Variants in SPTBN2 observed in about 807,000 individuals in gnomAD.
SPTBN2 encodes the protein spectrin beta chain, non-erythrocytic 2.
A neutral mutation model predicts 284.2 loss-of-function variants in SPTBN2; 107 were observed. The ratio of observed to expected loss-of-function variants is 0.38; its 90% confidence interval spans 0.32 to 0.44. SPTBN2 has a LOEUF of 0.44. Ranked by LOEUF, SPTBN2 falls within the 20% of genes least tolerant of loss-of-function variation. SPTBN2 has a pLI of 1.00. For synonymous variants in SPTBN2, 1,289 were observed against 1,354.8 expected, an observed-to-expected ratio of 0.95 and a Z score of 1.07; for missense variants, 2,569 against 3,287.1, an observed-to-expected ratio of 0.78 and a Z score of 5.34.
chr11:66,727,842 G>T (rs988694396), intron 1 of SPTBN2: 2 of 150,458 alleles, frequency 1.3e-5, no homozygotes, highest in African/African-American at 4.9e-5. Context: ...CCGGCGACGC[G>T]AGGGGCCGGC....
Position 66,715,821 on chromosome 11 carries a change from A to G in SPTBN2, c.309+9T>C. The G allele has an allele frequency of 1.2e-6, 2 of 1,613,132 alleles. No individual in the cohort carries two copies. The highest frequency in any genetic ancestry group is 1.7e-6 in the Non-Finnish European group (2 of 1,179,862). On this transcript the variant is annotated intron_variant, in intron 4 of 37. Coordinates refer to ENST00000533211, the MANE Select transcript of SPTBN2 (RefSeq NM_006946.4). This position sits in a 1 kb window ranked among gnomAD's most constrained non-coding sequence, Gnocchi z 5.3. ...GGCCCCCCCACTTCCCTTCATGACCACAGCTCACCAGTATCTCTCCCGAGA... is the reference window on the plus strand; with the variant it reads ...GGCCCCCCCACTTCCCTTCATGACCGCAGCTCACCAGTATCTCTCCCGAGA...
At chr11:66,736,490 A>G (rs1288922021) in intron 1 of SPTBN2, among the ~76,000 whole-genome samples, 7 of 152,324 alleles carry the variant, frequency 4.6e-5, no homozygotes, top group Admixed American at 6.5e-5. Context: ...ATGATTCTCA[A>G]TACCTTTGAG....
At chr11:66,742,380 T>C (rs954946196) in intron 1 of SPTBN2, among the ~76,000 whole-genome samples, 5 of 152,182 alleles carry the variant, frequency 3.3e-5, no homozygotes, top group Non-Finnish European at 7.4e-5. Context: ...CTATGTCCAG[T>C]AGGGAGGACA....
chr11:66,743,837 G>C lies in SPTBN2; in HGVS notation c.-475+705C>G, dbSNP rs1371508264. 2.0e-5 allele frequency among the ~76,000 whole-genome samples: 3 copies of C among 152,194 alleles called. No homozygotes were observed. The East Asian group carries it at 5.8e-4, about 29-fold the overall frequency. On this transcript the variant is annotated intron_variant, in intron 1 of 37. Coordinates refer to the SPTBN2 transcript ENST00000611817. ...ATTAGGCTGGGAGATGCTTGGGGCT[G>C]GTTGTAAGGTAAAAGACGGGGGGTC...
Position 66,692,758 on chromosome 11 carries a change from G to T in SPTBN2, c.4986-18C>A, listed in dbSNP as rs756760616. ...TCCGAGTGCTGCAAGAAGAGTGAGG[G>T]AGGCACTGTGGGACTTAGGGGTGTA... On this transcript the variant is annotated intron_variant, in intron 25 of 37. Transcript: ENST00000533211. 2 of 1,600,266 alleles carry T rather than the reference G, an allele frequency of 1.2e-6. No individual in the cohort carries two copies. The highest frequency in any genetic ancestry group is 1.1e-5 in the South Asian group (1 of 91,044).
intron 1 of SPTBN2, 135 bp downstream of exon 1, chr11:66,728,606 C>A (rs915426174): frequency 1.3e-5 from 2 of 151,906 alleles, no homozygotes; most frequent in African/African-American, 4.8e-5. Context: ...GCGGCAGCAG[C>A]TCCGAGGCCG....
At chr11:66,725,783 G>C (rs1942598614) in intron 1 of SPTBN2, among the ~76,000 whole-genome samples, 1 of 152,216 alleles carries the variant, frequency 6.6e-6, no homozygotes. Context: ...GCTGGAGGCA[G>C]ACTAGGCTCA....
Position 66,726,292 on chromosome 11 carries a change from G to T in SPTBN2, c.-114+2449C>A, listed in dbSNP as rs181472564. 3.9e-3 allele frequency among the ~76,000 whole-genome samples: 593 copies of T among 152,328 alleles called. 1 individual carries two copies. The highest frequency in any genetic ancestry group is 6.7e-3 in the Non-Finnish European group (458 of 68,032). On this transcript the variant is annotated intron_variant, in intron 1 of 37. Transcript: ENST00000533211. ...TTGAGCTCAACAGCTCAGGTCTGGG[G>T]ATTCTCAAACTTCCATGAATCACAA...
In SPTBN2 at chr11:66,691,903, C is replaced by T. The variant is rs767842886; in HGVS notation, c.5191-245G>A. ...GTGCTTGGGACCCTTAGGCTTCAGACAAGGATACCCTAACTATGGTCCATA... is the reference window on the plus strand; with the variant it reads ...GTGCTTGGGACCCTTAGGCTTCAGATAAGGATACCCTAACTATGGTCCATA... On this transcript the variant is annotated intron_variant, in intron 26 of 37. Transcript: ENST00000533211. The surrounding 1 kb of genome is among the most constrained non-coding windows in gnomAD (Gnocchi z 8.0). 3.3e-5 allele frequency among the ~76,000 whole-genome samples: 5 copies of T among 152,172 alleles called. No individual in the cohort carries two copies. The highest frequency in any genetic ancestry group is 4.8e-5 in the African/African-American group (2 of 41,428).
chr11:66,714,441 G>A lies in SPTBN2; in HGVS notation c.484-34C>T, dbSNP rs201497669. The A allele has an allele frequency of 2.6e-6, 4 of 1,549,640 alleles. No homozygotes were observed. The African/African-American group carries it at 5.4e-5, about 21-fold the overall frequency. On this transcript the variant is annotated intron_variant, in intron 5 of 37. Coordinates refer to ENST00000533211, the MANE Select transcript of SPTBN2 (RefSeq NM_006946.4). ...GAAGCAAGCAGGGCCCTCAGTCCCT[G>A]GACAGGAACTCCTGGTGTTATCAGA...
chr11:66,689,295 A>G, intron 29 of SPTBN2, 115 bp from the exon 30 acceptor site: 1 of 1,197,590 alleles, frequency 8.4e-7, no homozygotes, highest in Admixed American at 2.2e-5. Context: ...TTTTTTTGAG[A>G]CGGAGTTTCG....
At position 66,694,277 on chromosome 11, in the gene SPTBN2, A is replaced by C; in HGVS notation, c.4365T>G (p.Gly1455=). 1.2e-6 allele frequency: 2 copies of C among 1,614,138 alleles called. No individual in the cohort carries two copies. Among genetic ancestry groups the C allele is most frequent in the South Asian group, 2.2e-5 (2 of 91,070 alleles). The stretch of plus-strand genomic sequence containing the variant: ...TCGAGGTTCTCTCCACCTCCCCTGC[A>C]CCCTGGTCCTCCTGGGCCAGTGCTT... The part of the protein sequence containing the change: ...QAKALAQEDQ[G]AGEVERTSRA... The change falls in exon 22 of 38, where the codon GGT becomes GGG. Residue 1455 remains glycine (G), a synonymous_variant. Coordinates refer to ENST00000533211, the MANE Select transcript of SPTBN2 (RefSeq NM_006946.4).
chr11:66,691,436 G>A lies in SPTBN2; in HGVS notation c.5413C>T (p.Arg1805Cys), dbSNP rs373877632. The change falls in exon 27 of 38, where the codon CGC (arginine) becomes TGC (cysteine). Residue 1805 changes from arginine (R) to cysteine (C), a missense_variant. Physicochemically the swap from Arg to Cys is radical, Grantham distance 180 (BLOSUM62 -3). Around this residue, in one of 6 missense-constraint regions of SPTBN2, gnomAD observed 1,130 missense variants for 1,317.3 expected, o/e 0.86. Coordinates refer to ENST00000533211, the MANE Select transcript of SPTBN2 (RefSeq NM_006946.4). This position sits in a 1 kb window ranked among gnomAD's most constrained non-coding sequence, Gnocchi z 8.0. ...QVLAAAYELQ[R>C]FLHGARQALA... is the part of the protein sequence containing the mutation. ...GCTTGGCGTGCCCCGTGCAGGAAGC[G>A]CTGCAGCTCGTACGCCGCGGCCAGC... 22 of 1,612,126 alleles carry A rather than the reference G, an allele frequency of 1.4e-5. No homozygotes were observed. The African/African-American group carries it at 2.0e-4, about 15-fold the overall frequency.
At chr11:66,721,294 C>T in intron 2 of SPTBN2, 32 bp from the exon 3 acceptor site, 1 of 1,609,874 alleles carries the variant, frequency 6.2e-7, no homozygotes, top group Non-Finnish European at 8.5e-7. Context: ...TGAGGGGTGT[C>T]CAGGGACCAC....
At chr11:66,712,251 A>G (rs535301320) in intron 8 of SPTBN2, among the ~76,000 whole-genome samples, 4 of 152,358 alleles carry the variant, frequency 2.6e-5, no homozygotes, top group South Asian at 2.1e-4. Context: ...CAGGTATCAA[A>G]TAAGAGCCTA....
In SPTBN2 at chr11:66,708,387, C is replaced by G; in HGVS notation, c.1192-88G>C. ...GCACATGGTAAGTCCCATGGAAGCTCGGTCTGGTGGATCCGTGGAATGCAG... is the reference window on the plus strand; with the variant it reads ...GCACATGGTAAGTCCCATGGAAGCTGGGTCTGGTGGATCCGTGGAATGCAG... On this transcript the variant is annotated intron_variant, in intron 11 of 37. Coordinates refer to ENST00000533211, the MANE Select transcript of SPTBN2 (RefSeq NM_006946.4). The surrounding 1 kb of genome is among the most constrained non-coding windows in gnomAD (Gnocchi z 4.4). 7.5e-7 allele frequency: 1 copy of G among 1,339,326 alleles called. No individual in the cohort carries two copies. The highest frequency in any genetic ancestry group is 1.0e-6 in the Non-Finnish European group (1 of 996,958). The allele number at this position is 1,339,326 out of a possible 1,614,324, so 83.0% of individuals were successfully genotyped here.
intron 15 of SPTBN2, among the ~76,000 whole-genome samples, chr11:66,703,969 TTTC>T: frequency 6.9e-6 from 1 of 144,266 alleles, no homozygotes; most frequent in Non-Finnish European, 1.5e-5. Context: ...TCGTATTTCT[TTTC>T]TTTTTTTTTT....
rs370446165 is a variant in SPTBN2, at chr11:66,698,990, A to G, written c.3867+2T>C. Reference sequence around the variant, plus strand: ...ATATCCCGGGGCCCCAGGGAGCCTCACCTCGTGACAATCTTGCAGGAAATG... The same window carrying G: ...ATATCCCGGGGCCCCAGGGAGCCTCGCCTCGTGACAATCTTGCAGGAAATG... On this transcript the variant is annotated splice_donor_variant, in intron 19 of 37. Coordinates refer to ENST00000533211, the MANE Select transcript of SPTBN2 (RefSeq NM_006946.4). LOFTEE classifies it high-confidence loss of function. 6.2e-7 allele frequency: 1 copy of G among 1,614,132 alleles called. No individual in the cohort carries two copies. Among genetic ancestry groups the G allele is most frequent in the African/African-American group, 1.3e-5 (1 of 75,040 alleles).
chr11:66,719,332 C>G (rs1942288402), intron 3 of SPTBN2, among the ~76,000 whole-genome samples: 1 of 152,268 alleles, frequency 6.6e-6, no homozygotes, highest in South Asian at 2.1e-4. Flanking sequence ...TCCCTGCCCC[C>G]AGACGCCCCG....
Sources: gnomAD v4.1 joint callset for allele counts (sites outside exome capture counted in the v4.1 genomes callset) on GRCh38, gnomAD v4.1.1 for gene constraint, gnomAD v4.1.1 regional missense constraint, Gnocchi (gnomAD v3.1) non-coding constraint, MANE v1.5 for transcripts, NCBI Gene and HGNC (gene_info 2026-07-23, HGNC 2026-07-21) for gene names.